Variants in TMEM108 observed in about 807,000 individuals in gnomAD.
TMEM108 encodes the protein cancer/testis antigen 124.
TMEM108 carries 12 observed loss-of-function variants against 35.1 expected under a neutral mutation model. The observed-to-expected ratio is 0.34, with a 90% CI of 0.22 to 0.55. The LOEUF (loss-of-function observed/expected upper bound fraction) is 0.55. Among genes scored for constraint, TMEM108 ranks in the 20% least tolerant of loss-of-function variants. TMEM108 has a pLI of 0.89. For missense variants in TMEM108, 680 were observed against 753.3 expected (o/e 0.90, Z 1.14); for synonymous variants, 287 against 308.6 (o/e 0.93, Z 0.73).
intron 1 of TMEM108, among the ~76,000 whole-genome samples, chr3:133,044,497 T>C (rs1943311832): frequency 6.6e-6 from 1 of 152,236 alleles, no homozygotes; most frequent in South Asian, 2.1e-4. Flanking sequence ...TTTTCAAAAA[T>C]GTTCTCTAAT....
intron 2 of TMEM108, among the ~76,000 whole-genome samples, chr3:133,211,362 G>T (rs1471230387): frequency 6.6e-6 from 1 of 152,150 alleles, no homozygotes; most frequent in Non-Finnish European, 1.5e-5. Context: ...AATTTCTGAA[G>T]ATATTTTTCA....
rs540907182 is a variant in TMEM108 at position 133,160,053 on chromosome 3, C to T, written c.-46-69213C>T. Among the ~76,000 whole-genome samples the T allele has an allele frequency of 3.9e-5, 6 of 152,322 alleles. 1 individual carries two copies. The highest frequency in any genetic ancestry group is 9.6e-5 in the African/African-American group (4 of 41,562). On this transcript the variant is annotated intron_variant, in intron 2 of 5. Transcript: ENST00000321871. ...CACAGTCACCTTCTTTGTTGACAGACGCCTTCTTTGTGGAGGACTACAGGA... is the reference window on the plus strand; with the variant it reads ...CACAGTCACCTTCTTTGTTGACAGATGCCTTCTTTGTGGAGGACTACAGGA...
rs139415945 is a variant in TMEM108 at position 133,280,469 on chromosome 3, A to G, written c.40+51118A>G. On this transcript the variant is annotated intron_variant, in intron 3 of 5. Transcript: ENST00000321871. ...AATCAAATGTTCATCAGTTTTTCCC[A>G]TTTTCCCATTCCCTTCAAGAAAATT... Among the ~76,000 whole-genome samples the G allele has an allele frequency of 7.2e-5, 11 of 152,206 alleles. No individual in the cohort carries two copies. In the East Asian group the frequency reaches 1.9e-3, roughly 27 times the overall value.
intron 3 of TMEM108, among the ~76,000 whole-genome samples, chr3:133,288,590 A>G (rs1285850228): frequency 2.0e-5 from 3 of 152,172 alleles, no homozygotes; most frequent in Non-Finnish European, 2.9e-5. Flanking sequence ...GGAAAATCAC[A>G]TGAAACACTC....
chr3:133,195,519 G>A (rs923150836), intron 2 of TMEM108, among the ~76,000 whole-genome samples: 8 of 152,012 alleles, frequency 5.3e-5, no homozygotes, highest in South Asian at 2.1e-4. Flanking sequence ...TGCAGCATAC[G>A]GTATTTCTGT....
intron 3 of TMEM108, among the ~76,000 whole-genome samples, chr3:133,238,455 A>G (rs564448767): frequency 1.6e-4 from 25 of 152,226 alleles, no homozygotes; most frequent in Non-Finnish European, 3.2e-4. Context: ...CACACTATCA[A>G]TTACATCTTA....
intron 4 of TMEM108, among the ~76,000 whole-genome samples, chr3:133,384,496 G>A (rs556764074): frequency 2.0e-4 from 30 of 150,592 alleles, no homozygotes; most frequent in South Asian, 6.4e-4. Flanking sequence ...TATGTGTCCC[G>A]GGGCTGAGAA....
chr3:133,288,628 C>T (rs2107693369), intron 3 of TMEM108, among the ~76,000 whole-genome samples: 1 of 152,298 alleles, frequency 6.6e-6, no homozygotes, highest in South Asian at 2.1e-4. Context: ...ATGATGCTTC[C>T]CTGCAGAGGA....
Position 133,153,062 on chromosome 3 carries a change from A to G in TMEM108, c.-46-76204A>G, listed in dbSNP as rs151200029. Among the ~76,000 whole-genome samples the G allele has an allele frequency of 8.5e-3, 1,292 of 152,242 alleles. 21 individuals are homozygous for G. The highest frequency in any genetic ancestry group is 0.03 in the African/African-American group (1,237 of 41,542). ...AGATGGATTTTCAGAGGAAATGAAC[A>G]CTAACCAAAGAAAATCAAATTTGAT... On this transcript the variant is annotated intron_variant, in intron 2 of 5. Transcript: ENST00000321871.
intron 2 of TMEM108, among the ~76,000 whole-genome samples, chr3:133,131,777 G>A (rs759684074): frequency 3.3e-5 from 5 of 151,906 alleles, no homozygotes; most frequent in South Asian, 2.1e-4. Flanking sequence ...GGAATGCAAA[G>A]CAAAAGTTCT....
At chr3:133,323,525 A>G (rs997804050) in intron 3 of TMEM108, among the ~76,000 whole-genome samples, 2 of 152,190 alleles carry the variant, frequency 1.3e-5, no homozygotes, top group South Asian at 2.1e-4. Flanking sequence ...GAAATTATAG[A>G]TGACACCAAC....
At chr3:133,270,942 G>A (rs1347574471) in intron 3 of TMEM108, among the ~76,000 whole-genome samples, 1 of 152,072 alleles carries the variant, frequency 6.6e-6, no homozygotes, top group Non-Finnish European at 1.5e-5. Flanking sequence ...TGGGCAGAGG[G>A]ATTGCTAATG....
At chr3:133,215,726 G>A (rs1455441182) in intron 2 of TMEM108, among the ~76,000 whole-genome samples, 1 of 151,964 alleles carries the variant, frequency 6.6e-6, no homozygotes, top group Non-Finnish European at 1.5e-5. Flanking sequence ...AATTAGCAAA[G>A]CTTCTGTACT....
intron 2 of TMEM108, among the ~76,000 whole-genome samples, chr3:133,130,958 T>C (rs73211522): frequency 0.22 from 33,907 of 152,168 alleles, 4,522 homozygotes; most frequent in Non-Finnish European, 0.3. Context: ...AGAAATTACT[T>C]ATGAAATACC....
intron 2 of TMEM108, among the ~76,000 whole-genome samples, chr3:133,178,087 C>G (rs1307888178): frequency 3.9e-5 from 6 of 152,116 alleles, no homozygotes; most frequent in Non-Finnish European, 8.8e-5. Flanking sequence ...AATAAAATAC[C>G]TAGGAATCCA....
chr3:133,176,372 T>C (rs1483677663), intron 2 of TMEM108, among the ~76,000 whole-genome samples: 1 of 152,154 alleles, frequency 6.6e-6, no homozygotes, highest in Non-Finnish European at 1.5e-5. Context: ...AATATACATT[T>C]TTTTCAGCAC....
intron 2 of TMEM108, among the ~76,000 whole-genome samples, chr3:133,159,640 C>T (rs114399237): frequency 5.7e-4 from 87 of 152,288 alleles, no homozygotes; most frequent in African/African-American, 2.1e-3. Context: ...TAACTTACTT[C>T]TCATAGCCCT....
chr3:133,181,409 G>A (rs1466805258), intron 2 of TMEM108, among the ~76,000 whole-genome samples: 1 of 152,144 alleles, frequency 6.6e-6, no homozygotes, highest in Non-Finnish European at 1.5e-5. Flanking sequence ...TCCATATCAG[G>A]AAAGTGTATG....
intron 2 of TMEM108, among the ~76,000 whole-genome samples, chr3:133,179,249 G>A (rs369292157): frequency 6.6e-5 from 10 of 152,172 alleles, no homozygotes; most frequent in East Asian, 1.9e-4. Context: ...TCAGTGTGGC[G>A]ATTCCTCAGA....
Sources: allele counts gnomAD v4.1 joint callset (sites outside exome capture counted in the v4.1 genomes callset), GRCh38; gene constraint gnomAD v4.1.1; transcripts MANE v1.5; gene names NCBI Gene and HGNC (gene_info 2026-07-23, HGNC 2026-07-21).